L2HGDH: variants seen among roughly 807,000 people sequenced by gnomAD.
L2HGDH encodes the protein L-2-hydroxyglutarate dehydrogenase, also known as L-2-hydroxyglutarate dehydrogenase, mitochondrial.
L2HGDH carries 34 observed loss-of-function variants against 51.5 expected under a neutral mutation model. The ratio of observed to expected loss-of-function variants is 0.66; its 90% CI spans 0.50 to 0.88. The LOEUF (loss-of-function observed/expected upper bound fraction) is 0.88. Among genes scored for constraint, L2HGDH ranks in the 40% least tolerant of loss-of-function variants. The probability of loss-of-function intolerance (pLI) is 0.00; values close to 1 mark genes in which losing one functional copy is unlikely to be tolerated. For synonymous variants in L2HGDH, 198 were observed against 197.9 expected (o/e 1.00, Z -0.01); for missense variants, 558 against 571.9 (o/e 0.98, Z 0.25).
intron 1 of L2HGDH, among the ~76,000 whole-genome samples, chr14:50,310,936 CTTTTTTTTTTTT>C (rs34399906): frequency 7.3e-5 from 6 of 82,242 alleles, no homozygotes; most frequent in African/African-American, 2.7e-4. Flanking sequence ...CTTTTCTTTT[CTTTTTTTTTTTT>C]TTTTTTTTTT....
At chr14:50,311,886 G>T in intron 1 of L2HGDH, 125 bp downstream of exon 1, 2 of 1,302,054 alleles carry the variant, frequency 1.5e-6, no homozygotes, top group Non-Finnish European at 1.1e-6. Context: ...AGGTTGGAGT[G>T]CCACAGGACC....
intron 6 of L2HGDH, among the ~76,000 whole-genome samples, chr14:50,273,830 C>T (rs1889825653): frequency 6.6e-6 from 1 of 152,162 alleles, no homozygotes; most frequent in South Asian, 2.1e-4. Context: ...CCTGTAATCC[C>T]CGCACTTTGG....
Position 50,295,572 on chromosome 14 carries a change from A to AT in L2HGDH, c.409-1327dup, listed in dbSNP as rs545388262. Among the ~76,000 whole-genome samples the AT allele has an allele frequency of 9.8e-3, 1,039 of 105,800 alleles. 53 individuals carry two copies. The highest frequency in any genetic ancestry group is 0.02 in the African/African-American group (478 of 23,928). 69.4% of individuals were successfully genotyped at this position (105,800 alleles called of 152,430 possible). On this transcript the variant is annotated intron_variant, in intron 3 of 9. Transcript: ENST00000267436. ...CAGGCATGTGCACCACACTCGGCTA[A>AT]TTTTTTTTTTTTTTTTTTTTTTTTT...
intron 5 of L2HGDH, among the ~76,000 whole-genome samples, chr14:50,281,706 T>C (rs1890282584): frequency 7.0e-6 from 1 of 142,292 alleles, no homozygotes; most frequent in Non-Finnish European, 1.5e-5. Flanking sequence ...CTTTTTTCAG[T>C]CTACTGGTTT....
At chr14:50,297,835 G>A (rs751924634) in intron 3 of L2HGDH, among the ~76,000 whole-genome samples, 28 of 152,072 alleles carry the variant, frequency 1.8e-4, no homozygotes, top group Non-Finnish European at 3.4e-4. Flanking sequence ...GTTCACACCT[G>A]TAATTTCAAC....
At chr14:50,286,383 C>G (rs918626952) in intron 4 of L2HGDH, among the ~76,000 whole-genome samples, 2 of 152,072 alleles carry the variant, frequency 1.3e-5, no homozygotes, top group African/African-American at 4.8e-5. Context: ...GTTATCCTCC[C>G]AAGTCAAAGT....
chr14:50,300,213 AG>A (rs2030325289), intron 3 of L2HGDH, among the ~76,000 whole-genome samples: 1 of 152,214 alleles, frequency 6.6e-6, no homozygotes, highest in Non-Finnish European at 1.5e-5. Flanking sequence ...CTCAGACAGT[AG>A]ATTTAAGTGT....
chr14:50,274,964 T>C (rs12889468), intron 6 of L2HGDH, among the ~76,000 whole-genome samples: 1 of 67,644 alleles, frequency 1.5e-5, no homozygotes. Context: ...TGCTACAGAC[T>C]GGGAGGGGGG....
chr14:50,245,809 G>A lies in L2HGDH; in HGVS notation c.*1249C>T, dbSNP rs1566497230. On this transcript the variant is annotated 3_prime_UTR_variant, in exon 10 of 10. Transcript: ENST00000267436. Reference sequence around the variant, plus strand: ...ATCTTCTCTAGGTCATGGTTGGTAAGGACAGGTCATTAACAAAGTCAGGGA... The same window carrying A: ...ATCTTCTCTAGGTCATGGTTGGTAAAGACAGGTCATTAACAAAGTCAGGGA... 1.0e-6 allele frequency: 1 copy of A among 985,252 alleles called. No individual in the cohort carries two copies. The highest frequency in any genetic ancestry group is 1.2e-6 in the Non-Finnish European group (1 of 829,912). The allele number at this position is 985,252 out of a possible 1,614,324, so 61.0% of individuals were successfully genotyped here. A position where few individuals can be genotyped will look rare whatever the true frequency, so the allele number is the denominator to read the frequency against.
rs182415944 is a variant in L2HGDH at position 50,292,130 on chromosome 14, T to C, written c.540+1985A>G. Among the ~76,000 whole-genome samples the C allele has an allele frequency of 1.5e-4, 23 of 152,246 alleles. No homozygotes were observed. In the East Asian group the frequency reaches 4.2e-3, roughly 28 times the overall value. On this transcript the variant is annotated intron_variant, in intron 4 of 9. Transcript: ENST00000267436. ...AGAGACATGCCATGCAAGACTTCCA[T>C]ACTGAAAATTAAAATACATTATGTA...
rs754748944 is a variant in L2HGDH at position 50,247,078 on chromosome 14, G to T, written c.1372C>A (p.Gln458Lys). 6.8e-6 allele frequency: 11 copies of T among 1,613,328 alleles called. No individual in the cohort carries two copies. In the East Asian group the frequency reaches 8.9e-5, roughly 13 times the overall value. ...AISGMIADEV[Q>K]QRFEL ...ATTATTTATAATTCAAATCTTTGTTGTACTTCATCTGCAATCATTCCAGAA... is the reference window on the plus strand; with the variant it reads ...ATTATTTATAATTCAAATCTTTGTTTTACTTCATCTGCAATCATTCCAGAA... Residue 458 changes from glutamine to lysine, a missense_variant, in exon 10 of 10, where the codon CAA becomes AAA. By Grantham distance (53) the Gln-to-Lys change is moderately conservative. This residue lies in a region of L2HGDH where 321 missense variants were observed against 311.8 expected (regional missense o/e 1.03). Transcript: ENST00000267436.
At position 50,282,087 on chromosome 14, in the gene L2HGDH, G is replaced by A. The variant is rs575727314; in HGVS notation, c.703+1784C>T. On this transcript the variant is annotated intron_variant, in intron 5 of 9. Transcript: ENST00000267436. Reference sequence around the variant, plus strand: ...TATCTCTTGACCTCATGATCCGCCCGCCTCGGCCTCCCAAAGTGCTGGGAT... The same window carrying A: ...TATCTCTTGACCTCATGATCCGCCCACCTCGGCCTCCCAAAGTGCTGGGAT... Among the ~76,000 whole-genome samples, 97 of 152,138 alleles carry A rather than the reference G, an allele frequency of 6.4e-4. 2 individuals carry two copies. In the South Asian group the frequency reaches 0.019, roughly 30 times the overall value.
At chr14:50,286,535 G>A (rs935410728) in intron 4 of L2HGDH, among the ~76,000 whole-genome samples, 4 of 152,160 alleles carry the variant, frequency 2.6e-5, no homozygotes, top group South Asian at 2.1e-4. Context: ...AAGTGACCCC[G>A]TACAATGGGC....
At chr14:50,276,790 T>C (rs554734831) in intron 6 of L2HGDH, among the ~76,000 whole-genome samples, 2 of 152,348 alleles carry the variant, frequency 1.3e-5, no homozygotes, top group East Asian at 3.9e-4. Context: ...TATTTTGTTA[T>C]GGAAGTCTGA....
Position 50,246,991 on chromosome 14 carries a change from G to A in L2HGDH, c.*67C>T. The A allele has an allele frequency of 6.5e-7, 1 of 1,540,542 alleles. No individual in the cohort carries two copies. The highest frequency in any genetic ancestry group is 8.8e-7 in the Non-Finnish European group (1 of 1,135,276). ...TTTAAAAACCATTTTTTAAATTAAA[G>A]AATGCAATTAGTACATTCTTGTTGC... On this transcript the variant is annotated 3_prime_UTR_variant, in exon 10 of 10. Transcript: ENST00000267436.
intron 4 of L2HGDH, among the ~76,000 whole-genome samples, chr14:50,290,873 T>A (rs1456176554): frequency 6.6e-6 from 1 of 151,922 alleles, no homozygotes; most frequent in African/African-American, 2.4e-5. Flanking sequence ...TGTTCTTCTT[T>A]TAATTTTTTT....
At chr14:50,282,043 T>A (rs1178874711) in intron 5 of L2HGDH, among the ~76,000 whole-genome samples, 1 of 152,198 alleles carries the variant, frequency 6.6e-6, no homozygotes, top group African/African-American at 2.4e-5. Context: ...GGTTTCACCA[T>A]GTTGGCTAGG....
At chr14:50,251,159 T>C (rs1888326632) in intron 9 of L2HGDH, among the ~76,000 whole-genome samples, 1 of 151,348 alleles carries the variant, frequency 6.6e-6, no homozygotes, top group Admixed American at 6.6e-5. Flanking sequence ...TTCAGATAAA[T>C]TTAACAAAGG....
intron 5 of L2HGDH, chr14:50,282,368 C>T: frequency 2.3e-6 from 1 of 440,920 alleles, no homozygotes; most frequent in South Asian, 1.6e-5. Context: ...TTAGCTTCCA[C>T]CTTCCTGTTG....
Sources: gnomAD v4.1 joint callset for allele counts (sites outside exome capture counted in the v4.1 genomes callset) on GRCh38, gnomAD v4.1.1 for gene constraint, gnomAD v4.1.1 regional missense constraint, MANE v1.5 for transcripts, NCBI Gene and HGNC (gene_info 2026-07-23, HGNC 2026-07-21) for gene names.